PADI1: variants seen among roughly 807,000 people sequenced by gnomAD.
The protein encoded by PADI1 is protein-arginine deiminase type-1.
PADI1 carries 65 observed loss-of-function variants against 74.8 expected under a neutral mutation model. The observed-to-expected ratio is 0.87, with a 90% CI of 0.71 to 1.07. The LOEUF (loss-of-function observed/expected upper bound fraction) is 1.07. PADI1 is among the 50% of genes least tolerant of loss of function. PADI1 has a pLI of 0.00. For synonymous variants in PADI1, 371 were observed against 336.2 expected, an observed-to-expected ratio of 1.10 and a Z score of -1.13; for missense variants, 943 against 854.0, an observed-to-expected ratio of 1.10 and a Z score of -1.30.
chr1:17,240,874 G>C, intron 15 of PADI1, 114 bp downstream of exon 15: 1 of 1,186,062 alleles, frequency 8.4e-7, no homozygotes, highest in Non-Finnish European at 1.2e-6. Flanking sequence ...GACCTCTCCA[G>C]TGTCTGTTTT....
intron 15 of PADI1, 35 bp from the exon 16 acceptor site, chr1:17,243,975 C>T: frequency 6.7e-7 from 1 of 1,484,262 alleles, no homozygotes; most frequent in South Asian, 1.2e-5. Flanking sequence ...CACTTATAGC[C>T]AGACAGCCTC....
At chr1:17,213,273 G>A (rs74058967) in intron 1 of PADI1, among the ~76,000 whole-genome samples, 4,596 of 150,886 alleles carry the variant, frequency 0.03, 196 homozygotes, top group African/African-American at 0.098. Context: ...GGTCCAGGAC[G>A]CATTGCCCTC....
intron 11 of PADI1, among the ~76,000 whole-genome samples, chr1:17,236,281 T>C (rs1473779786): frequency 6.6e-6 from 1 of 152,226 alleles, no homozygotes; most frequent in Non-Finnish European, 1.5e-5. Context: ...CATATAACTT[T>C]AATTTTCTGG....
chr1:17,239,933 C>T (rs1383547006), intron 14 of PADI1, 150 bp downstream of exon 14: 2 of 636,168 alleles, frequency 3.1e-6, no homozygotes, highest in Admixed American at 2.7e-5. Flanking sequence ...GAGCCTCTGC[C>T]TTCAGGAACC....
At chr1:17,229,488 G>A (rs775503612) in intron 8 of PADI1, among the ~76,000 whole-genome samples, 12 of 152,210 alleles carry the variant, frequency 7.9e-5, no homozygotes, top group Non-Finnish European at 1.5e-4. Flanking sequence ...TCCTTCTGCC[G>A]TCTCTCAGAA....
intron 1 of PADI1, among the ~76,000 whole-genome samples, chr1:17,207,787 C>T (rs979642818): frequency 1.3e-5 from 2 of 152,230 alleles, no homozygotes; most frequent in Non-Finnish European, 2.9e-5. Context: ...GCACACAGGG[C>T]ACCTCCATCC....
Position 17,226,104 on chromosome 1 carries a change from G to A in PADI1, c.598G>A (p.Val200Ile), listed in dbSNP as rs757083925. The A allele has an allele frequency of 6.2e-7, 1 of 1,614,184 alleles. No homozygotes were observed. Among genetic ancestry groups the A allele is most frequent in the South Asian group, 1.1e-5 (1 of 91,080 alleles). ...PDKLFDSHKLVLNVPFSDSKR... is the reference protein window; with the variant it reads ...PDKLFDSHKLILNVPFSDSKR... Reference sequence around the variant, plus strand: ...CAAGCTCTTCGACAGCCACAAGCTTGTCTTGAACGTGCCCTTTTCTGATTC... The same window carrying A: ...CAAGCTCTTCGACAGCCACAAGCTTATCTTGAACGTGCCCTTTTCTGATTC... The change falls in exon 6 of 16, where the codon GTC (valine) becomes ATC (isoleucine). Residue 200 changes from valine to isoleucine, a missense_variant. Coordinates refer to ENST00000375471, the MANE Select transcript of PADI1 (RefSeq NM_013358.3).
At position 17,244,211 on chromosome 1, in the gene PADI1, T is replaced by C. The variant is rs1319318519; in HGVS notation, c.1960T>C (p.Phe654Leu). ...TGGCACCAACGTGCGCAGGAAGCCC[T>C]TTCCCTTCAAATGGTGGAACATGGT... ...HCGTNVRRKPFPFKWWNMVP is the reference protein window; with the variant it reads ...HCGTNVRRKPLPFKWWNMVP Residue 654 changes from phenylalanine to leucine, a missense_variant, in exon 16 of 16, where the codon TTT (phenylalanine) becomes CTT (leucine). Transcript: ENST00000375471. The C allele has an allele frequency of 6.2e-7, 1 of 1,613,960 alleles. No homozygotes were observed. The highest frequency in any genetic ancestry group is 8.5e-7 in the Non-Finnish European group (1 of 1,179,956).
At chr1:17,236,623 A>G (rs1274971223) in intron 11 of PADI1, among the ~76,000 whole-genome samples, 1 of 152,150 alleles carries the variant, frequency 6.6e-6, no homozygotes, top group African/African-American at 2.4e-5. Context: ...GCGTGGTGGC[A>G]CATACCTGTT....
chr1:17,226,283 C>T, intron 6 of PADI1, 125 bp downstream of exon 6: 2 of 1,009,460 alleles, frequency 2.0e-6, no homozygotes, highest in Non-Finnish European at 3.0e-6. Flanking sequence ...AACAACCACT[C>T]CATCAGTACC....
intron 11 of PADI1, among the ~76,000 whole-genome samples, chr1:17,235,431 G>A (rs2072618090): frequency 6.6e-6 from 1 of 152,184 alleles, no homozygotes. Flanking sequence ...GTGGCATGTA[G>A]ATGGGCAGGG....
chr1:17,229,127 C>A, intron 8 of PADI1, 76 bp downstream of exon 8: 2 of 880,806 alleles, frequency 2.3e-6, no homozygotes, highest in Non-Finnish European at 3.6e-6. Context: ...CAGGGCTGCG[C>A]CCCTCACTCA....
At chr1:17,213,929 C>T (rs2071902478) in intron 1 of PADI1, among the ~76,000 whole-genome samples, 2 of 152,162 alleles carry the variant, frequency 1.3e-5, no homozygotes. Context: ...TGCAACTGGC[C>T]CTGCTGTGGG....
intron 1 of PADI1, among the ~76,000 whole-genome samples, chr1:17,215,711 T>C (rs72895777): frequency 0.035 from 5,401 of 152,270 alleles, 152 homozygotes; most frequent in African/African-American, 0.079. Context: ...CACTCCACCA[T>C]CCTGAGTCGC....
Position 17,225,797 on chromosome 1 carries a change from T to C in PADI1, c.409-14T>C, listed in dbSNP as rs1386424790. The C allele has an allele frequency of 6.2e-7, 1 of 1,608,036 alleles. No individual in the cohort carries two copies. Among genetic ancestry groups the C allele is most frequent in the East Asian group, 2.2e-5 (1 of 44,828 alleles). ...TGGGTCCCACTGATCCCAAGGCATC[T>C]TATTTTGCCACAGAAAACCTGGCGC... On this transcript the variant is annotated splice_polypyrimidine_tract_variant and intron_variant, in intron 4 of 15. Coordinates refer to ENST00000375471, the MANE Select transcript of PADI1 (RefSeq NM_013358.3).
At chr1:17,230,268 C>A in intron 9 of PADI1, 60 bp downstream of exon 9, 1 of 1,578,838 alleles carries the variant, frequency 6.3e-7, no homozygotes. Flanking sequence ...GGAAGCCGCA[C>A]AGGTGCCTGA....
intron 14 of PADI1, 43 bp from the exon 15 acceptor site, chr1:17,240,592 T>C (rs757799056): frequency 2.5e-6 from 4 of 1,601,178 alleles, no homozygotes; most frequent in Admixed American, 3.4e-5. Flanking sequence ...GCCAGTGTTA[T>C]GCTCTTCCTA....
chr1:17,222,942 C>T (rs575794289), intron 2 of PADI1, among the ~76,000 whole-genome samples: 8 of 114,186 alleles, frequency 7.0e-5, no homozygotes, highest in East Asian at 4.4e-4. Flanking sequence ...CCTCCTCACT[C>T]GCCCCAGCCC....
chr1:17,205,977 C>T (rs2071672626), intron 1 of PADI1, among the ~76,000 whole-genome samples: 1 of 152,168 alleles, frequency 6.6e-6, no homozygotes, highest in Admixed American at 6.6e-5. Flanking sequence ...TTTGCTTCTC[C>T]TGTTGACCCA....
Sources: gnomAD v4.1 joint callset for allele counts (sites outside exome capture counted in the v4.1 genomes callset) on GRCh38, gnomAD v4.1.1 for gene constraint, MANE v1.5 for transcripts, NCBI Gene and HGNC (gene_info 2026-07-23, HGNC 2026-07-21) for gene names.